The following TTLL5 variants were observed in gnomAD, a reference collection of about 807,000 sequenced individuals.
TTLL5 encodes tubulin tyrosine ligase like 5, also known as tubulin polyglutamylase TTLL5.
A neutral mutation model predicts 168.4 loss-of-function variants in TTLL5; 132 were observed. The observed-to-expected ratio is 0.78, with a 90% confidence interval of 0.68 to 0.91. The LOEUF (loss-of-function observed/expected upper bound fraction) is 0.91, where lower values mean the gene tolerates loss of function less well. Among genes scored for constraint, TTLL5 ranks in the 40% least tolerant of loss-of-function variants. The pLI, the probability that TTLL5 is intolerant of heterozygous loss-of-function variation, is 0.00. For missense variants in TTLL5, 1,545 were observed against 1,581.5 expected, an observed-to-expected ratio of 0.98 and a Z score of 0.39; for synonymous variants, 546 against 558.6, an observed-to-expected ratio of 0.98 and a Z score of 0.32.
intron 27 of TTLL5, among the ~76,000 whole-genome samples, chr14:75,808,126 C>T (rs1208084443): frequency 2.0e-5 from 3 of 152,130 alleles, no homozygotes; most frequent in African/African-American, 4.8e-5. Flanking sequence ...GGAAACCCTA[C>T]GAAGAGATTT....
intron 9 of TTLL5, among the ~76,000 whole-genome samples, chr14:75,712,913 A>AG (rs1426250408): frequency 3.9e-5 from 6 of 151,986 alleles, no homozygotes; most frequent in Non-Finnish European, 8.8e-5. Context: ...AAAAGGGGGG[A>AG]GGGGGCGGCA....
chr14:75,694,573 A>T lies in TTLL5; in HGVS notation c.502+4251A>T, dbSNP rs946270764. The stretch of plus-strand genomic sequence containing the variant: ...AGTCTCGAACTCCTGACCTCAGGTG[A>T]TCCGCCCACCTCGGCCTCCCAAATT... On this transcript the variant is annotated intron_variant, in intron 6 of 31. Transcript: ENST00000298832. 3.3e-5 allele frequency among the ~76,000 whole-genome samples: 5 copies of T among 152,128 alleles called. No homozygotes were observed. The South Asian group carries it at 1.0e-3, about 31-fold the overall frequency.
intron 28 of TTLL5, among the ~76,000 whole-genome samples, chr14:75,829,644 A>T (rs1435821140): frequency 1.3e-5 from 2 of 152,100 alleles, no homozygotes; most frequent in Non-Finnish European, 2.9e-5. Context: ...TTCAAAAAAG[A>T]TACTAAAGAC....
intron 28 of TTLL5, among the ~76,000 whole-genome samples, chr14:75,862,026 A>G (rs1448456618): frequency 6.6e-6 from 1 of 152,176 alleles, no homozygotes; most frequent in African/African-American, 2.4e-5. Context: ...CTAATTCCAT[A>G]GCCCTTGATA....
intron 23 of TTLL5, 101 bp from the exon 24 acceptor site, chr14:75,779,474 T>G: frequency 6.6e-7 from 1 of 1,524,024 alleles, no homozygotes; most frequent in Non-Finnish European, 8.9e-7. Context: ...GTGCTTTTCA[T>G]TTTTCCCTTT....
intron 31 of TTLL5, among the ~76,000 whole-genome samples, chr14:75,950,731 G>C (rs1425296023): frequency 2.0e-5 from 3 of 152,146 alleles, no homozygotes; most frequent in Non-Finnish European, 4.4e-5. Flanking sequence ...ACTTTGGGTG[G>C]CCAAGGAGGG....
At chr14:75,887,510 T>C (rs2032180082) in intron 30 of TTLL5, among the ~76,000 whole-genome samples, 1 of 152,248 alleles carries the variant, frequency 6.6e-6, no homozygotes, top group Non-Finnish European at 1.5e-5. Context: ...CAGGCTTCTC[T>C]ACATTATGCA....
intron 6 of TTLL5, among the ~76,000 whole-genome samples, chr14:75,695,312 G>T (rs540751174): frequency 1.3e-5 from 2 of 152,184 alleles, no homozygotes; most frequent in South Asian, 4.1e-4. Context: ...ATTTTAGTCA[G>T]ACTGGTTGTC....
Position 75,745,251 on chromosome 14 carries a change from G to A in TTLL5, c.1395+43G>A, listed in dbSNP as rs1889531621. On this transcript the variant is annotated intron_variant, in intron 16 of 31. Transcript: ENST00000298832. ...TTAGGCTTTTGTGGGTTAACACAGG[G>A]TTTAGTGAAAATTAGTGAGTGATTG... 3 of 1,579,782 alleles carry A rather than the reference G, an allele frequency of 1.9e-6. No homozygotes were observed. In the South Asian group the frequency reaches 3.4e-5, roughly 18 times the overall value.
At position 75,792,925 on chromosome 14, in the gene TTLL5, A is replaced by C. The variant is rs761519988; in HGVS notation, c.2996A>C (p.Tyr999Ser). The change falls in exon 27 of 32, where the codon TAT becomes TCT. Residue 999 changes from tyrosine (Y) to serine (S), a missense_variant. Tyr to Ser is a moderately radical substitution (Grantham distance 144). Coordinates refer to ENST00000298832, the MANE Select transcript of TTLL5 (RefSeq NM_015072.5). ...RPSSAKAGSC[Y>S]LNKHHSGIAK... Reference sequence around the variant, plus strand: ...TTCTCCGTTTTAGCAGGATCGTGCTATCTAAACAAGCATCATTCAGGAATA... The same window carrying C: ...TTCTCCGTTTTAGCAGGATCGTGCTCTCTAAACAAGCATCATTCAGGAATA... 3 of 1,606,242 alleles carry C rather than the reference A, an allele frequency of 1.9e-6. No homozygotes were observed. Among genetic ancestry groups the C allele is most frequent in the Non-Finnish European group, 2.6e-6 (3 of 1,175,106 alleles).
Position 75,734,099 on chromosome 14 carries a change from G to A in TTLL5, c.1186+49G>A, listed in dbSNP as rs758879589. On this transcript the variant is annotated intron_variant, in intron 14 of 31. Coordinates refer to ENST00000298832, the MANE Select transcript of TTLL5 (RefSeq NM_015072.5). ...TGGACTCACATAAAAATTAACCGGAGCGTCCATTTTATCAGACTCCATAGG... is the reference window on the plus strand; with the variant it reads ...TGGACTCACATAAAAATTAACCGGAACGTCCATTTTATCAGACTCCATAGG... 4.4e-6 allele frequency: 7 copies of A among 1,587,038 alleles called. No individual in the cohort carries two copies. The African/African-American group carries it at 9.4e-5, about 21-fold the overall frequency.
intron 13 of TTLL5, among the ~76,000 whole-genome samples, chr14:75,732,904 A>G (rs1377660941): frequency 2.0e-5 from 3 of 152,224 alleles, no homozygotes; most frequent in African/African-American, 4.8e-5. Flanking sequence ...CAACTTAAAA[A>G]TCTTTTTTTT....
intron 31 of TTLL5, among the ~76,000 whole-genome samples, chr14:75,926,766 G>A (rs2140156031): frequency 6.6e-6 from 1 of 152,294 alleles, no homozygotes; most frequent in South Asian, 2.1e-4. Flanking sequence ...TCCTGAAACA[G>A]TTAAACATAG....
At chr14:75,824,735 T>C (rs1485272458) in intron 28 of TTLL5, among the ~76,000 whole-genome samples, 2 of 152,062 alleles carry the variant, frequency 1.3e-5, no homozygotes, top group African/African-American at 4.8e-5. Context: ...GTGTTTTTTT[T>C]TTTTTTTTAA....
At chr14:75,742,481 C>G (rs764917465) in intron 15 of TTLL5, among the ~76,000 whole-genome samples, 1 of 152,132 alleles carries the variant, frequency 6.6e-6, no homozygotes, top group South Asian at 2.1e-4. Flanking sequence ...GTGCAACTTC[C>G]GCTTCCAGGG....
chr14:75,814,823 T>C (rs1450419316), intron 27 of TTLL5, among the ~76,000 whole-genome samples: 1 of 152,258 alleles, frequency 6.6e-6, no homozygotes, highest in African/African-American at 2.4e-5. Flanking sequence ...TAGCTACATC[T>C]GGCTTTTAAA....
chr14:75,707,752 G>A, intron 9 of TTLL5, 45 bp downstream of exon 9: 1 of 1,474,664 alleles, frequency 6.8e-7, no homozygotes, highest in Non-Finnish European at 9.4e-7. Flanking sequence ...GGTATATTAA[G>A]GGTGGGTATA....
intron 7 of TTLL5, among the ~76,000 whole-genome samples, chr14:75,702,069 C>G (rs1048712511): frequency 1.3e-5 from 2 of 152,156 alleles, no homozygotes; most frequent in Non-Finnish European, 2.9e-5. Flanking sequence ...TTGGAAAGTC[C>G]TTAAATTCAG....
At chr14:75,844,234 G>A (rs1047868264) in intron 28 of TTLL5, among the ~76,000 whole-genome samples, 41 of 152,154 alleles carry the variant, frequency 2.7e-4, no homozygotes, top group Non-Finnish European at 5.4e-4. Context: ...TATGAGGTAT[G>A]AGATTTTGGT....
Sources: allele counts gnomAD v4.1 joint callset (sites outside exome capture counted in the v4.1 genomes callset), GRCh38; gene constraint gnomAD v4.1.1; transcripts MANE v1.5; gene names NCBI Gene and HGNC (gene_info 2026-07-23, HGNC 2026-07-21).